Variants in CADPS2 observed in about 807,000 individuals in gnomAD.
The protein encoded by CADPS2 is calcium dependent secretion activator 2, also known as calcium-dependent secretion activator 2.
Under a neutral mutation model 172.5 loss-of-function variants are expected in CADPS2, and 93 were observed. The observed-to-expected ratio is 0.54, with a 90% CI of 0.46 to 0.64. CADPS2 has a LOEUF of 0.64. Ranked by LOEUF, CADPS2 falls within the 30% of genes least tolerant of loss-of-function variation. The probability of loss-of-function intolerance (pLI) is 0.00; values close to 1 mark genes in which losing one functional copy is unlikely to be tolerated. For synonymous variants in CADPS2, 546 were observed against 555.2 expected, an observed-to-expected ratio of 0.98 and a Z score of 0.23; for missense variants, 1,420 against 1,565.9, an observed-to-expected ratio of 0.91 and a Z score of 1.57.
intron 17 of CADPS2, among the ~76,000 whole-genome samples, chr7:122,418,169 C>CAA (rs112532888): frequency 2.7e-5 from 3 of 109,156 alleles, no homozygotes; most frequent in Admixed American, 1.0e-4. Flanking sequence ...GACTCCATCT[C>CAA]AAAAAAAAAA....
intron 1 of CADPS2, among the ~76,000 whole-genome samples, chr7:122,779,555 CAAGA>C (rs1562996229): frequency 6.6e-6 from 1 of 152,154 alleles, no homozygotes; most frequent in African/African-American, 2.4e-5. Flanking sequence ...CCAGAGTGGA[CAAGA>C]AAGAGAGTGA....
chr7:122,347,853 T>A (rs1438998769), intron 27 of CADPS2, among the ~76,000 whole-genome samples: 1 of 152,170 alleles, frequency 6.6e-6, no homozygotes, highest in Non-Finnish European at 1.5e-5. Flanking sequence ...GATACATATT[T>A]CTCTCTGTGC....
At chr7:122,565,586 C>A (rs1222797882) in intron 7 of CADPS2, among the ~76,000 whole-genome samples, 1 of 152,138 alleles carries the variant, frequency 6.6e-6, no homozygotes, top group Non-Finnish European at 1.5e-5. Context: ...TCCTGCTCTT[C>A]TGATCTAAGG....
chr7:122,461,849 C>T (rs2152101740), intron 14 of CADPS2, among the ~76,000 whole-genome samples: 1 of 152,278 alleles, frequency 6.6e-6, no homozygotes, highest in South Asian at 2.1e-4. Flanking sequence ...CCGCCTCGGC[C>T]TCCCAGAGTG....
chr7:122,520,404 A>C (rs7798979), intron 8 of CADPS2, among the ~76,000 whole-genome samples: 15,169 of 151,938 alleles, frequency 0.1, 881 homozygotes, highest in African/African-American at 0.16. Context: ...AGCCAAAAAC[A>C]TCAGAAGTAA....
At chr7:122,570,219 A>G (rs1231753687) in intron 7 of CADPS2, among the ~76,000 whole-genome samples, 3 of 152,260 alleles carry the variant, frequency 2.0e-5, no homozygotes, top group East Asian at 1.9e-4. Flanking sequence ...AAAAGTGGGC[A>G]AAGGAGATGA....
chr7:122,776,644 A>C (rs1247263611), intron 1 of CADPS2, among the ~76,000 whole-genome samples: 1 of 152,154 alleles, frequency 6.6e-6, no homozygotes, highest in Non-Finnish European at 1.5e-5. Flanking sequence ...CTAGAGACTT[A>C]GAGTGCTCAG....
At chr7:122,362,570 A>C (rs2040300250) in intron 25 of CADPS2, among the ~76,000 whole-genome samples, 1 of 152,236 alleles carries the variant, frequency 6.6e-6, no homozygotes, top group African/African-American at 2.4e-5. Flanking sequence ...AAATCGATGA[A>C]TAAGAGATCT....
At chr7:122,338,031 A>G (rs771112115) in intron 28 of CADPS2, among the ~76,000 whole-genome samples, 1 of 152,244 alleles carries the variant, frequency 6.6e-6, no homozygotes, top group South Asian at 2.1e-4. Context: ...TATATAACCA[A>G]TTAGTCAAAC....
chr7:122,878,261 GAA>G (rs34489409), intron 1 of CADPS2, among the ~76,000 whole-genome samples: 1 of 113,272 alleles, frequency 8.8e-6, no homozygotes. Flanking sequence ...TCCGTCTCAA[GAA>G]AAAAAAAAAA....
At chr7:122,355,506 G>A (rs1243390496) in intron 27 of CADPS2, among the ~76,000 whole-genome samples, 7 of 151,834 alleles carry the variant, frequency 4.6e-5, no homozygotes, top group East Asian at 1.9e-4. Flanking sequence ...ACTTGAACCC[G>A]GGAGGTTGGA....
intron 10 of CADPS2, among the ~76,000 whole-genome samples, chr7:122,491,073 A>G (rs921479791): frequency 2.0e-5 from 3 of 152,198 alleles, no homozygotes; most frequent in Non-Finnish European, 2.9e-5. Context: ...ATTCCATTAC[A>G]GTGAATTTTA....
chr7:122,851,765 T>C (rs1813696314), intron 1 of CADPS2, among the ~76,000 whole-genome samples: 2 of 152,092 alleles, frequency 1.3e-5, no homozygotes, highest in South Asian at 2.1e-4. Context: ...TTCACTATCA[T>C]GAGAACAGCA....
chr7:122,623,480 T>G (rs2075798959), intron 4 of CADPS2, among the ~76,000 whole-genome samples: 1 of 152,220 alleles, frequency 6.6e-6, no homozygotes, highest in South Asian at 2.1e-4. Flanking sequence ...GTTCACCTTA[T>G]TATTTATTAT....
At chr7:122,448,565 A>G (rs1340672353) in intron 15 of CADPS2, among the ~76,000 whole-genome samples, 1 of 152,196 alleles carries the variant, frequency 6.6e-6, no homozygotes, top group Non-Finnish European at 1.5e-5. Context: ...AATGAATACA[A>G]TAAATGACGT....
At chr7:122,482,691 T>C (rs755784994) in intron 11 of CADPS2, among the ~76,000 whole-genome samples, 2 of 152,130 alleles carry the variant, frequency 1.3e-5, no homozygotes, top group Non-Finnish European at 2.9e-5. Flanking sequence ...AGAAACTCTA[T>C]AGCCCATGGC....
At chr7:122,358,860 G>A (rs147039302) in intron 27 of CADPS2, among the ~76,000 whole-genome samples, 2 of 152,202 alleles carry the variant, frequency 1.3e-5, no homozygotes, top group East Asian at 1.9e-4. Flanking sequence ...AGTATGTTCT[G>A]CTCCAGGGGG....
intron 14 of CADPS2, among the ~76,000 whole-genome samples, chr7:122,464,099 T>C (rs777849662): frequency 2.6e-5 from 4 of 151,972 alleles, no homozygotes; most frequent in Non-Finnish European, 4.4e-5. Context: ...ACAACAACAA[T>C]AACAAAACCA....
chr7:122,554,057 C>T (rs2064682557), intron 8 of CADPS2, among the ~76,000 whole-genome samples: 1 of 152,114 alleles, frequency 6.6e-6, no homozygotes, highest in South Asian at 2.1e-4. Context: ...TAGCAGTTTT[C>T]TCCAATATTG....
Sources: allele counts gnomAD v4.1 joint callset (sites outside exome capture counted in the v4.1 genomes callset), GRCh38; gene constraint gnomAD v4.1.1; transcripts MANE v1.5; gene names NCBI Gene and HGNC (gene_info 2026-07-23, HGNC 2026-07-21).